Variants in SULF2 observed in about 807,000 individuals in gnomAD.
SULF2 encodes the protein sulfatase 2, also known as extracellular sulfatase Sulf-2.
In SULF2, 52 loss-of-function variants were observed where a neutral mutation model predicts 107.7. The observed-to-expected ratio is 0.48, with a 90% CI of 0.39 to 0.61. The LOEUF is 0.61. Among genes scored for constraint, SULF2 ranks in the 20% least tolerant of loss-of-function variants. The pLI is 0.00. For synonymous variants in SULF2, 460 were observed against 464.3 expected (o/e 0.99, Z 0.12); for missense variants, 993 against 1,177.3 (o/e 0.84, Z 2.29).
chr20:47,704,819 A>G (rs2088678541), intron 3 of SULF2, among the ~76,000 whole-genome samples: 1 of 152,212 alleles, frequency 6.6e-6, no homozygotes, highest in Admixed American at 6.5e-5. Context: ...TGCTTGGCCG[A>G]GAAGCCAGGA....
At chr20:47,704,803 C>T (rs1000617964) in intron 3 of SULF2, among the ~76,000 whole-genome samples, 2 of 152,274 alleles carry the variant, frequency 1.3e-5, no homozygotes, top group East Asian at 1.9e-4. Flanking sequence ...GCCTTGTGCA[C>T]GTGAGTGCTT....
chr20:47,682,944 T>C, intron 7 of SULF2, 50 bp downstream of exon 7: 1 of 1,525,430 alleles, frequency 6.6e-7, no homozygotes. Context: ...GTTGAAGCCC[T>C]GAGCTGGGCC....
chr20:47,724,481 G>T (rs1187534585), intron 3 of SULF2, among the ~76,000 whole-genome samples: 1 of 152,180 alleles, frequency 6.6e-6, no homozygotes, highest in Non-Finnish European at 1.5e-5. Context: ...ATGGAGGGCG[G>T]GCTGCCTGTG....
chr20:47,659,013 T>G (rs2086982268), intron 20 of SULF2, among the ~76,000 whole-genome samples: 1 of 152,228 alleles, frequency 6.6e-6, no homozygotes, highest in Non-Finnish European at 1.5e-5. Flanking sequence ...AGTGAGAGTT[T>G]GTAGCATGGG....
At chr20:47,722,128 G>A (rs34802240) in intron 3 of SULF2, among the ~76,000 whole-genome samples, 20,338 of 152,220 alleles carry the variant, frequency 0.13, 1,810 homozygotes, top group Middle Eastern at 0.25. Flanking sequence ...TTGAGCACTG[G>A]GACCTGGCAA....
chr20:47,692,030 T>G (rs1356501773), intron 4 of SULF2, among the ~76,000 whole-genome samples: 3 of 152,164 alleles, frequency 2.0e-5, no homozygotes, highest in African/African-American at 7.2e-5. Flanking sequence ...CCTCCCAAAG[T>G]GCTGGGATTA....
intron 3 of SULF2, among the ~76,000 whole-genome samples, chr20:47,712,107 C>A (rs1190931543): frequency 6.6e-6 from 1 of 152,216 alleles, no homozygotes; most frequent in African/African-American, 2.4e-5. Context: ...ATGCATCTTG[C>A]TTCTTCACCT....
intron 11 of SULF2, among the ~76,000 whole-genome samples, chr20:47,670,626 T>C (rs1446973982): frequency 8.8e-5 from 1 of 11,334 alleles, no homozygotes; most frequent in African/African-American, 4.0e-4. Flanking sequence ...GTCAAGCTCA[T>C]AGAGAAGAAG....
Position 47,677,537 on chromosome 20 carries a change from G to A in SULF2, c.1194-403C>T, listed in dbSNP as rs552543497. On this transcript the variant is annotated intron_variant, in intron 8 of 20. Transcript: ENST00000688720. ...CAGGCGCAGTGGTTCAGCATCAGGC[G>A]CAGTGGTTTGGCGTCTTGAGCTCTG... Among the ~76,000 whole-genome samples the A allele has an allele frequency of 3.9e-5, 6 of 152,260 alleles. 1 individual carries two copies. Among genetic ancestry groups the A allele is most frequent in the African/African-American group, 1.2e-4 (5 of 41,568 alleles).
At chr20:47,717,039 G>A (rs1437293990) in intron 3 of SULF2, among the ~76,000 whole-genome samples, 5 of 151,998 alleles carry the variant, frequency 3.3e-5, no homozygotes, top group African/African-American at 2.4e-5. Flanking sequence ...GTATGCAGAT[G>A]GAAAAGGGAA....
At chr20:47,756,393 G>A (rs1210838649) in intron 2 of SULF2, among the ~76,000 whole-genome samples, 2 of 152,148 alleles carry the variant, frequency 1.3e-5, no homozygotes, top group African/African-American at 4.8e-5. Context: ...AACTATACTT[G>A]TGATCATTAA....
At chr20:47,742,688 A>G (rs2089912537) in intron 2 of SULF2, among the ~76,000 whole-genome samples, 2 of 152,216 alleles carry the variant, frequency 1.3e-5, no homozygotes, top group Admixed American at 6.5e-5. Context: ...TCTCAATCCA[A>G]GTTAACTACG....
chr20:47,743,073 G>A (rs1160717109), intron 2 of SULF2, among the ~76,000 whole-genome samples: 1 of 151,120 alleles, frequency 6.6e-6, no homozygotes, highest in East Asian at 1.9e-4. Flanking sequence ...GGGTGATTTT[G>A]ATGTATAACT....
At chr20:47,699,475 T>G (rs1602675095) in intron 4 of SULF2, among the ~76,000 whole-genome samples, 1 of 152,002 alleles carries the variant, frequency 6.6e-6, no homozygotes, top group East Asian at 2.0e-4. Flanking sequence ...TAAATGGAAG[T>G]ACACATGATT....
chr20:47,745,260 G>A (rs1230113525), intron 2 of SULF2, among the ~76,000 whole-genome samples: 39 of 151,154 alleles, frequency 2.6e-4, no homozygotes, highest in Admixed American at 2.6e-3. Flanking sequence ...CTTGATTTCT[G>A]CCACTTCCTA....
At chr20:47,681,788 C>T (rs1462144752) in intron 7 of SULF2, among the ~76,000 whole-genome samples, 3 of 152,162 alleles carry the variant, frequency 2.0e-5, no homozygotes, top group Admixed American at 6.5e-5. Context: ...CAGGTTCAAG[C>T]GATTCTCCTG....
chr20:47,686,850 G>C (rs896931231), intron 5 of SULF2, among the ~76,000 whole-genome samples: 1 of 152,152 alleles, frequency 6.6e-6, no homozygotes, highest in Non-Finnish European at 1.5e-5. Flanking sequence ...AATCCATCAG[G>C]GCCCATGCTT....
rs1446205267 is a variant in SULF2 at position 47,785,384 on chromosome 20, C to G, written c.-142G>C. The G allele has an allele frequency of 1.4e-5, 2 of 145,832 alleles. No homozygotes were observed. Among genetic ancestry groups the G allele is most frequent in the Non-Finnish European group, 3.1e-5 (2 of 65,418 alleles). 9.0% of individuals were successfully genotyped at this position (145,832 alleles called of 1,614,324 possible). On this transcript the variant is annotated 5_prime_UTR_variant, in exon 1 of 21. Transcript: ENST00000688720. Reference sequence around the variant, plus strand: ...GGCAACCTCACCCGGAGCGGGGCGCCGCCGCCGCCTCTGCCGCAGCCCGGC... The same window carrying G: ...GGCAACCTCACCCGGAGCGGGGCGCGGCCGCCGCCTCTGCCGCAGCCCGGC...
chr20:47,784,369 G>T (rs555740674), intron 1 of SULF2, among the ~76,000 whole-genome samples: 24 of 152,164 alleles, frequency 1.6e-4, no homozygotes, highest in African/African-American at 5.3e-4. Flanking sequence ...CAGAAAGGGG[G>T]GCAGGGAATG....
Sources: gnomAD v4.1 joint callset for allele counts (sites outside exome capture counted in the v4.1 genomes callset) on GRCh38, gnomAD v4.1.1 for gene constraint, MANE v1.5 for transcripts, NCBI Gene and HGNC (gene_info 2026-07-23, HGNC 2026-07-21) for gene names.